The following PKP2 variants were observed in gnomAD, a reference collection of about 807,000 sequenced individuals.
The protein encoded by PKP2 is plakophilin-2.
PKP2 carries 73 observed loss-of-function variants against 83.4 expected under a neutral mutation model. That is an observed-to-expected ratio of 0.88 (90% CI 0.72 to 1.06). The LOEUF is 1.06. PKP2 is among the 50% of genes least tolerant of loss of function. The pLI, the probability that PKP2 is intolerant of heterozygous loss-of-function variation, is 0.00. For missense variants in PKP2, 966 were observed against 1,065.4 expected (o/e 0.91, Z 1.30); for synonymous variants, 409 against 430.4 (o/e 0.95, Z 0.62).
intron 5 of PKP2, among the ~76,000 whole-genome samples, chr12:32,849,927 C>T (rs1319416624): frequency 1.3e-5 from 2 of 152,184 alleles, no homozygotes. Flanking sequence ...TACATTGATC[C>T]TCCACACTGG....
intron 4 of PKP2, among the ~76,000 whole-genome samples, chr12:32,866,325 G>A (rs1308500326): frequency 2.6e-5 from 4 of 152,010 alleles, no homozygotes; most frequent in South Asian, 2.1e-4. Flanking sequence ...GGCCAAGGTA[G>A]CTGGCTCCTT....
At position 32,810,675 on chromosome 12, in the gene PKP2, A is replaced by T. The variant is rs1229595279; in HGVS notation, c.2014-8119T>A. On this transcript the variant is annotated intron_variant, in intron 9 of 12. Transcript: ENST00000340811. Reference sequence around the variant, plus strand: ...TTAGGGGAAAGTACATAGAATAAACATTTTTTTTTTTTTTTTTTTTTTTTG... The same window carrying T: ...TTAGGGGAAAGTACATAGAATAAACTTTTTTTTTTTTTTTTTTTTTTTTTG... 3.9e-3 allele frequency among the ~76,000 whole-genome samples: 113 copies of T among 28,738 alleles called. 14 individuals carry two copies. Among genetic ancestry groups the T allele is most frequent in the African/African-American group, 8.5e-3 (107 of 12,600 alleles). The allele number at this position is 28,738 out of a possible 152,430, so 18.9% of individuals were successfully genotyped here. A position where few individuals can be genotyped will look rare whatever the true frequency, so the allele number is the denominator to read the frequency against.
chr12:32,828,863 C>T (rs941769512), intron 6 of PKP2, among the ~76,000 whole-genome samples: 8 of 152,148 alleles, frequency 5.3e-5, no homozygotes, highest in African/African-American at 1.7e-4. Context: ...GGAACAATAA[C>T]GTCTGAGTGC....
rs1047501389 is a variant in PKP2, at chr12:32,887,506, T to C, written c.224-8474A>G. Among the ~76,000 whole-genome samples, 44 of 152,344 alleles carry C rather than the reference T, an allele frequency of 2.9e-4. 1 individual carries two copies. Among genetic ancestry groups the C allele is most frequent in the African/African-American group, 1.0e-3 (43 of 41,584 alleles). ...TCTTGCTCTGTCGCCCAGGCTGAAG[T>C]GCAGCGGTGCGATCTTGGCTCACTG... On this transcript the variant is annotated intron_variant, in intron 1 of 12. Transcript: ENST00000340811.
At chr12:32,805,338 T>C (rs10772002) in intron 9 of PKP2, among the ~76,000 whole-genome samples, 29,733 of 152,160 alleles carry the variant, frequency 0.2, 3,581 homozygotes, top group East Asian at 0.56. Context: ...TTTGCTTTCA[T>C]TGCTATTGCT....
At chr12:32,868,823 C>T (rs1471949957) in intron 4 of PKP2, 104 bp downstream of exon 4, 5 of 1,333,698 alleles carry the variant, frequency 3.7e-6, no homozygotes, top group African/African-American at 1.4e-5. Flanking sequence ...CGCACGGTCC[C>T]AATTTTTAAA....
Position 32,796,262 on chromosome 12 carries a change from GGA to G in PKP2, c.2202_2203del (p.Pro735Ter). 1 of 1,613,290 alleles carries G rather than the reference GGA, an allele frequency of 6.2e-7. No homozygotes were observed. The highest frequency in any genetic ancestry group is 8.5e-7 in the Non-Finnish European group (1 of 1,179,808). ...AAGGTCAGTACTCGGGACTGTGTCA[GGA>G]ATGATGGAAACCAAATCAGGGAGAG... On this transcript the variant is annotated frameshift_variant, in exon 11 of 13. Coordinates refer to ENST00000340811, the MANE Select transcript of PKP2 (RefSeq NM_001005242.3). LOFTEE classifies it high-confidence loss of function.
rs183676773 is a variant in PKP2, at chr12:32,874,396, A to G, written c.1034+3450T>C. Among the ~76,000 whole-genome samples, 661 of 152,278 alleles carry G rather than the reference A, an allele frequency of 4.3e-3. 8 individuals carry two copies. Among genetic ancestry groups the G allele is most frequent in the African/African-American group, 0.015 (617 of 41,550 alleles). On this transcript the variant is annotated intron_variant, in intron 3 of 12. Coordinates refer to ENST00000340811, the MANE Select transcript of PKP2 (RefSeq NM_001005242.3). The stretch of plus-strand genomic sequence containing the variant: ...ACCACCTTGGGCATCTATCTTCCTC[A>G]TTACACAAAATACGTCTGGCTCCCT...
intron 7 of PKP2, 146 bp from the exon 8 acceptor site, chr12:32,822,777 A>G (rs1956394801): frequency 2.5e-6 from 2 of 791,124 alleles, no homozygotes; most frequent in Non-Finnish European, 4.3e-6. Flanking sequence ...GGGAAATGCA[A>G]TGAGTATGGC....
At chr12:32,895,200 T>C (rs1191747305) in intron 1 of PKP2, among the ~76,000 whole-genome samples, 2 of 152,088 alleles carry the variant, frequency 1.3e-5, no homozygotes, top group African/African-American at 2.4e-5. Context: ...TACATATATA[T>C]ATATATATCT....
intron 4 of PKP2, 69 bp from the exon 5 acceptor site, chr12:32,851,042 C>T (rs750994778): frequency 1.3e-4 from 171 of 1,275,954 alleles, no homozygotes; most frequent in Non-Finnish European, 1.8e-4. Flanking sequence ...CAATGTAATA[C>T]AAACAGATGA....
At chr12:32,823,369 A>G (rs1956401330) in intron 7 of PKP2, among the ~76,000 whole-genome samples, 1 of 146,682 alleles carries the variant, frequency 6.8e-6, no homozygotes, top group Admixed American at 7.0e-5. Flanking sequence ...GTGAGCTGAG[A>G]TCGCACCACT....
chr12:32,837,352 C>A (rs899336365), intron 6 of PKP2, among the ~76,000 whole-genome samples: 1 of 152,198 alleles, frequency 6.6e-6, no homozygotes, highest in South Asian at 2.1e-4. Context: ...ATCACTCAAC[C>A]TCTCTGAGGC....
intron 1 of PKP2, chr12:32,893,980 C>T (rs1206296478): frequency 1.5e-5 from 2 of 134,206 alleles, no homozygotes; most frequent in Non-Finnish European, 1.5e-5. Flanking sequence ...AGTGCAATGG[C>T]GAGATCTCCG....
intron 6 of PKP2, chr12:32,824,529 C>T (rs1956415169): frequency 4.0e-6 from 1 of 251,252 alleles, no homozygotes. Flanking sequence ...GATGCCAAGT[C>T]CCAATTTGCC....
intron 1 of PKP2, among the ~76,000 whole-genome samples, chr12:32,880,723 G>C (rs1465593602): frequency 6.6e-6 from 1 of 152,090 alleles, no homozygotes; most frequent in African/African-American, 2.4e-5. Context: ...TGTCTGAGGA[G>C]GGGGGAGTGG....
intron 6 of PKP2, among the ~76,000 whole-genome samples, chr12:32,826,172 G>C (rs1243947745): frequency 6.6e-6 from 1 of 151,958 alleles, no homozygotes; most frequent in Non-Finnish European, 1.5e-5. Flanking sequence ...CAGGCATGGT[G>C]GTGGGCGCCT....
At chr12:32,844,857 A>T (rs567244330) in intron 5 of PKP2, among the ~76,000 whole-genome samples, 1 of 152,254 alleles carries the variant, frequency 6.6e-6, no homozygotes, top group South Asian at 2.1e-4. Context: ...CTTATATTTT[A>T]AAAAAAGATT....
At chr12:32,840,742 T>C (rs1956582490) in intron 6 of PKP2, among the ~76,000 whole-genome samples, 1 of 152,144 alleles carries the variant, frequency 6.6e-6, no homozygotes, top group Admixed American at 6.5e-5. Flanking sequence ...TCAGTTACCA[T>C]CCAAATAAAG....
Sources: gnomAD v4.1 joint callset for allele counts (sites outside exome capture counted in the v4.1 genomes callset) on GRCh38, gnomAD v4.1.1 for gene constraint, MANE v1.5 for transcripts, NCBI Gene and HGNC (gene_info 2026-07-23, HGNC 2026-07-21) for gene names.